The following IQCJ variants were observed in gnomAD, a reference collection of about 807,000 sequenced individuals.
IQCJ encodes IQ motif containing J, also known as IQ domain-containing protein J.
A neutral mutation model predicts 11.0 loss-of-function variants in IQCJ; 9 were observed. That is an observed-to-expected ratio of 0.82 (90% CI 0.49 to 1.43). The LOEUF (loss-of-function observed/expected upper bound fraction) is 1.43, where lower values mean the gene tolerates loss of function less well. Among genes scored for constraint, IQCJ ranks in the 40% most tolerant of loss-of-function variants. The pLI is 0.00. For missense variants in IQCJ, 146 were observed against 133.2 expected (o/e 1.10, Z -0.47); for synonymous variants, 55 against 51.3 (o/e 1.07, Z -0.31).
chr3:159,230,409 A>C (rs2108149913), intron 1 of IQCJ, among the ~76,000 whole-genome samples: 1 of 152,312 alleles, frequency 6.6e-6, no homozygotes, highest in Non-Finnish European at 1.5e-5. Flanking sequence ...TATTCCTCTT[A>C]ACACTTAAGT....
At chr3:159,086,462 T>A (rs966519093) in intron 1 of IQCJ, among the ~76,000 whole-genome samples, 5 of 152,206 alleles carry the variant, frequency 3.3e-5, no homozygotes, top group African/African-American at 1.2e-4. Flanking sequence ...AGAAAGTCAT[T>A]GGTAGCTTGA....
intron 3 of IQCJ, among the ~76,000 whole-genome samples, chr3:159,254,680 C>T (rs897394994): frequency 1.5e-4 from 23 of 152,088 alleles, no homozygotes; most frequent in Non-Finnish European, 2.4e-4. Flanking sequence ...TCCTTTCCCT[C>T]TCCTCTTTCT....
At chr3:159,073,173 C>A (rs1230725610) in intron 1 of IQCJ, among the ~76,000 whole-genome samples, 1 of 152,108 alleles carries the variant, frequency 6.6e-6, no homozygotes, top group Non-Finnish European at 1.5e-5. Flanking sequence ...AGGCCTAGTA[C>A]CCCTGCTATG....
intron 1 of IQCJ, among the ~76,000 whole-genome samples, chr3:159,207,331 C>A (rs1205923037): frequency 6.6e-6 from 1 of 152,138 alleles, no homozygotes; most frequent in African/African-American, 2.4e-5. Context: ...CAGCATTCAA[C>A]TGTATATAGT....
At chr3:159,193,379 G>A (rs1348966853) in intron 1 of IQCJ, among the ~76,000 whole-genome samples, 1 of 152,166 alleles carries the variant, frequency 6.6e-6, no homozygotes, top group African/African-American at 2.4e-5. Context: ...TGATACCTCA[G>A]GGAGTCTTCC....
chr3:159,207,349 A>C (rs1482516143), intron 1 of IQCJ, among the ~76,000 whole-genome samples: 1 of 152,226 alleles, frequency 6.6e-6, no homozygotes, highest in East Asian at 1.9e-4. Context: ...AGTCATGAAA[A>C]ACTGTAGAAA....
intron 1 of IQCJ, among the ~76,000 whole-genome samples, chr3:159,142,467 A>C (rs1720668117): frequency 6.6e-6 from 1 of 151,216 alleles, no homozygotes; most frequent in Non-Finnish European, 1.5e-5. Flanking sequence ...CCCAGGCTGG[A>C]GTGCAGTGGT....
intron 1 of IQCJ, among the ~76,000 whole-genome samples, chr3:159,129,956 T>G (rs1577027969): frequency 6.6e-6 from 1 of 152,128 alleles, no homozygotes; most frequent in Non-Finnish European, 1.5e-5. Flanking sequence ...CAGATGCCGA[T>G]GTGTATTTGG....
At chr3:159,134,839 T>TG (rs1720198159) in intron 1 of IQCJ, among the ~76,000 whole-genome samples, 1 of 151,988 alleles carries the variant, frequency 6.6e-6, no homozygotes, top group African/African-American at 2.4e-5. Context: ...GGTGAATAAT[T>TG]ACCTTATTTA....
chr3:159,244,254 C>G (rs1727110280), intron 1 of IQCJ, among the ~76,000 whole-genome samples: 2 of 152,088 alleles, frequency 1.3e-5, no homozygotes, highest in Non-Finnish European at 2.9e-5. Context: ...CTGAGATCCC[C>G]TGAAGAGTTA....
At position 159,263,593 on chromosome 3, in the gene IQCJ, C is replaced by T. The variant is rs1454379902; in HGVS notation, c.*862C>T. ...ATGAAGTAATTACACAAGTATATTA[C>T]TTCCAAAAATTTTTCTTTTACTTTT... is the stretch of plus-strand genomic sequence containing the variant. On this transcript the variant is annotated 3_prime_UTR_variant, in exon 4 of 4. Transcript: ENST00000397832. 1.0e-6 allele frequency: 1 copy of T among 984,838 alleles called. No individual in the cohort carries two copies. Among genetic ancestry groups the T allele is most frequent in the African/African-American group, 1.7e-5 (1 of 57,226 alleles). 61.0% of individuals were successfully genotyped at this position (984,838 alleles called of 1,614,324 possible). A position where few individuals can be genotyped will look rare whatever the true frequency, so the allele number is the denominator to read the frequency against.
intron 1 of IQCJ, among the ~76,000 whole-genome samples, chr3:159,237,119 A>G (rs957885045): frequency 5.9e-5 from 9 of 152,212 alleles, no homozygotes; most frequent in African/African-American, 2.2e-4. Flanking sequence ...GGATTAAATG[A>G]TCATGATGTT....
At chr3:159,185,989 GAA>G (rs1281260656) in intron 1 of IQCJ, among the ~76,000 whole-genome samples, 1 of 152,200 alleles carries the variant, frequency 6.6e-6, no homozygotes, top group Non-Finnish European at 1.5e-5. Flanking sequence ...CTTTTGAAGA[GAA>G]GAGTATTACA....
In IQCJ at chr3:159,182,741, C is replaced by A. The variant is rs541404594; in HGVS notation, c.10-63102C>A. 2.0e-5 allele frequency among the ~76,000 whole-genome samples: 3 copies of A among 151,664 alleles called. No individual in the cohort carries two copies. The South Asian group carries it at 6.3e-4, about 32-fold the overall frequency. Reference sequence around the variant, plus strand: ...ATCAATGTCTGTAATCTATAGATAACCGATTAGGTCAGGGGTCAATCTTTA... The same window carrying A: ...ATCAATGTCTGTAATCTATAGATAAACGATTAGGTCAGGGGTCAATCTTTA... On this transcript the variant is annotated intron_variant, in intron 1 of 3. Coordinates refer to ENST00000397832, the MANE Select transcript of IQCJ (RefSeq NM_001042706.3).
intron 1 of IQCJ, among the ~76,000 whole-genome samples, chr3:159,220,852 TC>T (rs1725495311): frequency 6.6e-6 from 1 of 152,160 alleles, no homozygotes; most frequent in South Asian, 2.1e-4. Context: ...AAGTTACAGT[TC>T]AGGTGACTTG....
intron 1 of IQCJ, among the ~76,000 whole-genome samples, chr3:159,199,758 C>T: frequency 6.6e-6 from 1 of 151,936 alleles, no homozygotes; most frequent in Non-Finnish European, 1.5e-5. Context: ...ACCCATGATA[C>T]TGGGTCACAA....
chr3:159,075,607 A>C (rs1300603977), intron 1 of IQCJ, among the ~76,000 whole-genome samples: 2 of 152,096 alleles, frequency 1.3e-5, no homozygotes, highest in Non-Finnish European at 2.9e-5. Context: ...TCAGACTTAG[A>C]CATAGGACAA....
chr3:159,088,669 T>A (rs1716988400), intron 1 of IQCJ, among the ~76,000 whole-genome samples: 1 of 152,202 alleles, frequency 6.6e-6, no homozygotes, highest in Non-Finnish European at 1.5e-5. Flanking sequence ...TTTACCATTA[T>A]GTAATGGCCT....
chr3:159,141,325 A>T (rs975705716), intron 1 of IQCJ, among the ~76,000 whole-genome samples: 1 of 152,188 alleles, frequency 6.6e-6, no homozygotes, highest in African/African-American at 2.4e-5. Context: ...GTGGAGGTGA[A>T]TGATAAGATT....
Sources: allele counts gnomAD v4.1 joint callset (sites outside exome capture counted in the v4.1 genomes callset), GRCh38; gene constraint gnomAD v4.1.1; transcripts MANE v1.5; gene names NCBI Gene and HGNC (gene_info 2026-07-23, HGNC 2026-07-21).